Variants in EYS observed in about 807,000 individuals in gnomAD.
EYS encodes the protein protein eyes shut homolog.
A neutral mutation model predicts 282.1 loss-of-function variants in EYS; 250 were observed. The ratio of observed to expected loss-of-function variants is 0.89; its 90% CI spans 0.80 to 0.98. The LOEUF (loss-of-function observed/expected upper bound fraction) is 0.98. Ranked by LOEUF, EYS falls within the 50% of genes least tolerant of loss-of-function variation. The pLI is 0.00. For missense variants in EYS, 4,016 were observed against 3,709.0 expected (o/e 1.08, Z -2.15); for synonymous variants, 1,355 against 1,282.9 (o/e 1.06, Z -1.20).
intron 11 of EYS, among the ~76,000 whole-genome samples, chr6:65,301,312 G>A (rs1200279806): frequency 6.6e-6 from 1 of 152,138 alleles, no homozygotes; most frequent in African/African-American, 2.4e-5. Context: ...TGGCTAACAC[G>A]GTGAAACCCC....
chr6:64,799,420 G>A (rs1774467095), intron 22 of EYS, among the ~76,000 whole-genome samples: 1 of 151,622 alleles, frequency 6.6e-6, no homozygotes, highest in South Asian at 2.1e-4. Context: ...CTTGTAGTGT[G>A]TTGTTCTTAT....
chr6:64,660,891 A>C (rs1477607338), intron 22 of EYS, among the ~76,000 whole-genome samples: 1 of 152,240 alleles, frequency 6.6e-6, no homozygotes, highest in South Asian at 2.1e-4. Flanking sequence ...AAACTACTTT[A>C]AAGTTCATAT....
chr6:65,340,592 G>C (rs762710775), intron 10 of EYS, among the ~76,000 whole-genome samples: 52 of 151,048 alleles, frequency 3.4e-4, no homozygotes, highest in Non-Finnish European at 6.4e-4. Flanking sequence ...AAGATTCTCA[G>C]TATATTGTGC....
At chr6:63,755,017 G>A (rs1769441094) in intron 41 of EYS, among the ~76,000 whole-genome samples, 1 of 151,958 alleles carries the variant, frequency 6.6e-6, no homozygotes, top group Non-Finnish European at 1.5e-5. Context: ...CATTTCCTTT[G>A]CCCACTTTTT....
chr6:64,921,001 A>C (rs1359964351), intron 15 of EYS, among the ~76,000 whole-genome samples: 1 of 152,148 alleles, frequency 6.6e-6, no homozygotes, highest in Non-Finnish European at 1.5e-5. Flanking sequence ...GAGCTAGCAA[A>C]AGCCAAAGGA....
At chr6:64,512,348 C>T (rs940643406) in intron 26 of EYS, among the ~76,000 whole-genome samples, 1 of 151,936 alleles carries the variant, frequency 6.6e-6, no homozygotes, top group Non-Finnish European at 1.5e-5. Flanking sequence ...ATAGTACCAG[C>T]CAAAATACGC....
intron 37 of EYS, among the ~76,000 whole-genome samples, chr6:63,794,310 G>T (rs2149673419): frequency 6.6e-6 from 1 of 152,248 alleles, no homozygotes; most frequent in Admixed American, 6.5e-5. Flanking sequence ...TATAAAGTCT[G>T]GGAAGCAGGC....
At chr6:65,329,843 ACT>A in intron 11 of EYS, 1 of 981,832 alleles carries the variant, frequency 1.0e-6, no homozygotes. Context: ...AAGCCTCCTG[ACT>A]CTACAGAAAT....
chr6:65,700,498 C>T (rs913119648), intron 1 of EYS, among the ~76,000 whole-genome samples: 1 of 152,242 alleles, frequency 6.6e-6, no homozygotes, highest in African/African-American at 2.4e-5. Flanking sequence ...ATTATTTTAA[C>T]TTTTAAAACT....
At chr6:64,282,060 C>G (rs1018182803) in intron 30 of EYS, among the ~76,000 whole-genome samples, 1 of 152,062 alleles carries the variant, frequency 6.6e-6, no homozygotes, top group Admixed American at 6.5e-5. Context: ...AGTGTCTATT[C>G]TGATGTCTGG....
intron 11 of EYS, chr6:65,332,437 G>T (rs1323295359): frequency 7.2e-7 from 1 of 1,380,646 alleles, no homozygotes; most frequent in Admixed American, 2.0e-5. Flanking sequence ...AATTTGGGAA[G>T]AATTAATATT....
chr6:65,025,758 C>T (rs973718590), intron 13 of EYS, among the ~76,000 whole-genome samples: 1 of 152,038 alleles, frequency 6.6e-6, no homozygotes, highest in African/African-American at 2.4e-5. Context: ...TTTCTTGCTT[C>T]CTGAATCTTG....
At chr6:65,043,227 G>A (rs1022881910) in intron 13 of EYS, among the ~76,000 whole-genome samples, 4 of 151,446 alleles carry the variant, frequency 2.6e-5, no homozygotes, top group African/African-American at 9.7e-5. Context: ...AAATTTGAAA[G>A]TTACTCTTAT....
chr6:64,376,795 T>G (rs959529391), intron 29 of EYS, among the ~76,000 whole-genome samples: 1 of 152,166 alleles, frequency 6.6e-6, no homozygotes. Flanking sequence ...AAAATTTATT[T>G]TTTTTAAAGT....
chr6:64,093,867 G>T (rs3003695), intron 31 of EYS, among the ~76,000 whole-genome samples: 67,213 of 151,944 alleles, frequency 0.44, 17,069 homozygotes, highest in African/African-American at 0.7. Context: ...TTTTTGCCCA[G>T]TCAGTGTGAT....
chr6:63,837,801 G>T (rs952107027), intron 36 of EYS, among the ~76,000 whole-genome samples: 3 of 152,032 alleles, frequency 2.0e-5, no homozygotes, highest in African/African-American at 7.2e-5. Flanking sequence ...TCAATATCAA[G>T]ATTATATTCC....
At chr6:64,289,735 T>G (rs1373782904) in intron 30 of EYS, among the ~76,000 whole-genome samples, 1 of 152,072 alleles carries the variant, frequency 6.6e-6, no homozygotes, top group East Asian at 1.9e-4. Context: ...AAGGTCAATA[T>G]ATATTTACTG....
intron 22 of EYS, among the ~76,000 whole-genome samples, chr6:64,751,658 C>G (rs990529852): frequency 6.6e-6 from 1 of 152,202 alleles, no homozygotes; most frequent in African/African-American, 2.4e-5. Flanking sequence ...CTCTTTCAGC[C>G]ACTGTTGGCT....
rs570547272 is a variant in EYS at position 64,772,367 on chromosome 6, A to G, written c.3443+41011T>C. On this transcript the variant is annotated intron_variant, in intron 22 of 42. Transcript: ENST00000503581. ...GTAGCTGTATCAGCTTTTCTTTTGA[A>G]TTTTTGTAGTTACATAGTTTTTGTA... Among the ~76,000 whole-genome samples the G allele has an allele frequency of 2.8e-4, 42 of 151,748 alleles. No homozygotes were observed. The South Asian group carries it at 8.7e-3, about 31-fold the overall frequency.
Sources: allele counts gnomAD v4.1 joint callset (sites outside exome capture counted in the v4.1 genomes callset), GRCh38; gene constraint gnomAD v4.1.1; transcripts MANE v1.5; gene names NCBI Gene and HGNC (gene_info 2026-07-23, HGNC 2026-07-21).